KCNQ1OT1: variants seen among roughly 807,000 people sequenced by gnomAD.
KCNQ1OT1 encodes the protein KCNQ1 opposite strand/antisense transcript 1.
exon 1 of KCNQ1OT1, chr11:2,648,892 G>A: frequency 2.5e-6 from 1 of 396,098 alleles, no homozygotes; most frequent in Non-Finnish European, 4.4e-6. Context: ...CTCCAGTGTT[G>A]TTGGTTGCAT....
chr11:2,663,223 G>A lies in KCNQ1OT1; in HGVS notation n.36772C>T. On this transcript the variant is annotated non_coding_transcript_exon_variant, in exon 1 of 1. Transcript: ENST00000597346. The surrounding 1 kb of genome is among the most constrained non-coding windows in gnomAD (Gnocchi z 5.2). ...GGGTAGGGTGTGAAGAGGCTCCAAGGGAGCCAGCAGATCACTGGAAAGCAG... is the reference window on the plus strand; with the variant it reads ...GGGTAGGGTGTGAAGAGGCTCCAAGAGAGCCAGCAGATCACTGGAAAGCAG... 5.0e-6 allele frequency: 2 copies of A among 398,722 alleles called. No individual in the cohort carries two copies. Among genetic ancestry groups the A allele is most frequent in the Non-Finnish European group, 4.4e-6 (1 of 226,160 alleles). 24.7% of individuals were successfully genotyped at this position (398,722 alleles called of 1,614,324 possible).
At chr11:2,656,113 T>C (rs1175641157) in exon 1 of KCNQ1OT1, 1 of 398,556 alleles carries the variant, frequency 2.5e-6, no homozygotes, top group Non-Finnish European at 4.4e-6. Context: ...CAACTCTACG[T>C]TCTAGCCTGT....
chr11:2,647,522 G>C lies in KCNQ1OT1; in HGVS notation n.52473C>G. The stretch of plus-strand genomic sequence containing the variant: ...AGATACTGCTTGCCTCACAGAATGA[G>C]TTAGGGAGAATTCCTTTCTCTTCAG... On this transcript the variant is annotated non_coding_transcript_exon_variant, in exon 1 of 1. Coordinates refer to ENST00000597346, the Ensembl canonical transcript of KCNQ1OT1. The surrounding 1 kb of genome is among the most constrained non-coding windows in gnomAD (Gnocchi z 4.0). 1 of 398,572 alleles carries C rather than the reference G, an allele frequency of 2.5e-6. No individual in the cohort carries two copies. The highest frequency in any genetic ancestry group is 4.4e-6 in the Non-Finnish European group (1 of 226,060). The allele number at this position is 398,572 out of a possible 1,614,324, so 24.7% of individuals were successfully genotyped here. A position where few individuals can be genotyped will look rare whatever the true frequency, so the allele number is the denominator to read the frequency against.
exon 1 of KCNQ1OT1, chr11:2,615,674 T>G (rs1849049023): frequency 2.5e-6 from 1 of 397,976 alleles, no homozygotes; most frequent in African/African-American, 2.1e-5. Flanking sequence ...ATTAATGTGG[T>G]GTATTACATT....
Position 2,623,504 on chromosome 11 carries a change from T to C in KCNQ1OT1, n.76491A>G, listed in dbSNP as rs746126863. The C allele has an allele frequency of 1.0e-5, 4 of 398,500 alleles. No individual in the cohort carries two copies. The highest frequency in any genetic ancestry group is 1.8e-5 in the Non-Finnish European group (4 of 226,072). 24.7% of individuals were successfully genotyped at this position (398,500 alleles called of 1,614,324 possible). On this transcript the variant is annotated non_coding_transcript_exon_variant, in exon 1 of 1. Transcript: ENST00000597346. This position sits in a 1 kb window ranked among gnomAD's most constrained non-coding sequence, Gnocchi z 5.2. ...GCATTGCCTTTTCTAAAATGCAATA[T>C]GATTGGAATCATACAGTATGTAGTT...
chr11:2,612,411 T>G lies in KCNQ1OT1; in HGVS notation n.87584A>C. ...GGGACCACTATATTATGGTATCCAA[T>G]GGGTATCTCTTCATTTTTCTTCATT... On this transcript the variant is annotated non_coding_transcript_exon_variant, in exon 1 of 1. Coordinates refer to ENST00000597346, the Ensembl canonical transcript of KCNQ1OT1. This position sits in a 1 kb window ranked among gnomAD's most constrained non-coding sequence, Gnocchi z 5.5. The G allele has an allele frequency of 2.5e-6, 1 of 398,626 alleles. No homozygotes were observed. Among genetic ancestry groups the G allele is most frequent in the Non-Finnish European group, 4.4e-6 (1 of 226,066 alleles). The allele number at this position is 398,626 out of a possible 1,614,324, so 24.7% of individuals were successfully genotyped here.
chr11:2,686,390 CA>C, exon 1 of KCNQ1OT1: 1 of 398,702 alleles, frequency 2.5e-6, no homozygotes, highest in Admixed American at 4.4e-5. Context: ...CAGGGTACCC[CA>C]ACCCCTGACT....
rs1043518078 is a variant in KCNQ1OT1, at chr11:2,646,835, G to C, written n.53160C>G. The stretch of plus-strand genomic sequence containing the variant: ...CCACACCTACTAATTTTTGTTTGTT[G>C]ATTTTTTTATCCTGCAACTTTATTG... On this transcript the variant is annotated non_coding_transcript_exon_variant, in exon 1 of 1. Coordinates refer to ENST00000597346, the Ensembl canonical transcript of KCNQ1OT1. The C allele has an allele frequency of 1.8e-5, 7 of 398,478 alleles. No homozygotes were observed. The East Asian group carries it at 2.5e-4, about 14-fold the overall frequency. The allele number at this position is 398,478 out of a possible 1,614,324, so 24.7% of individuals were successfully genotyped here. A position where few individuals can be genotyped will look rare whatever the true frequency, so the allele number is the denominator to read the frequency against.
At chr11:2,680,831 T>C in exon 1 of KCNQ1OT1, 1 of 398,572 alleles carries the variant, frequency 2.5e-6, no homozygotes. Context: ...ATCACCTTTT[T>C]GGGATCGGCT....
chr11:2,640,454 T>C (rs915755052), exon 1 of KCNQ1OT1: 1 of 398,502 alleles, frequency 2.5e-6, no homozygotes, highest in Non-Finnish European at 4.4e-6. Flanking sequence ...CCTGGATAAC[T>C]TCTTAATTTT....
At position 2,654,901 on chromosome 11, in the gene KCNQ1OT1, A is replaced by C. The variant is rs1287061927; in HGVS notation, n.45094T>G. On this transcript the variant is annotated non_coding_transcript_exon_variant, in exon 1 of 1. Transcript: ENST00000597346. This position sits in a 1 kb window ranked among gnomAD's most constrained non-coding sequence, Gnocchi z 6.4. Reference sequence around the variant, plus strand: ...TGGCAACTCTAGGATAAGATGTGCAAGGTCGTGGGCCAGAGAGCAAGGCAC... The same window carrying C: ...TGGCAACTCTAGGATAAGATGTGCACGGTCGTGGGCCAGAGAGCAAGGCAC... 1 of 398,484 alleles carries C rather than the reference A, an allele frequency of 2.5e-6. No individual in the cohort carries two copies. The highest frequency in any genetic ancestry group is 4.4e-6 in the Non-Finnish European group (1 of 226,074). The allele number at this position is 398,484 out of a possible 1,614,324, so 24.7% of individuals were successfully genotyped here. A position where few individuals can be genotyped will look rare whatever the true frequency, so the allele number is the denominator to read the frequency against.
chr11:2,618,565 G>T, exon 1 of KCNQ1OT1: 1 of 398,538 alleles, frequency 2.5e-6, no homozygotes, highest in African/African-American at 2.1e-5. Flanking sequence ...CTACATGTTT[G>T]TTTTTTATGC....
exon 1 of KCNQ1OT1, chr11:2,650,807 T>C: frequency 2.5e-6 from 1 of 398,672 alleles, no homozygotes; most frequent in East Asian, 3.6e-5. Context: ...GCATGGGTCA[T>C]GTGGTTTTAT....
chr11:2,684,048 C>T, exon 1 of KCNQ1OT1: 2 of 398,262 alleles, frequency 5.0e-6, no homozygotes, highest in South Asian at 1.3e-4. Flanking sequence ...CCCCCTTTAT[C>T]AAGACATTGT....
chr11:2,618,203 G>A (rs1849101164), exon 1 of KCNQ1OT1: 2 of 398,352 alleles, frequency 5.0e-6, no homozygotes, highest in Non-Finnish European at 8.8e-6. Context: ...TATGTATGGT[G>A]TAAGGCAGCG....
exon 1 of KCNQ1OT1, chr11:2,660,742 G>C (rs978960815): frequency 1.3e-5 from 5 of 398,512 alleles, no homozygotes; most frequent in African/African-American, 1.0e-4. Flanking sequence ...TTCAGGCATG[G>C]ATGTGGGAAA....
chr11:2,696,532 G>T (rs1175092586), exon 1 of KCNQ1OT1: 2 of 398,510 alleles, frequency 5.0e-6, no homozygotes, highest in Non-Finnish European at 8.8e-6. Flanking sequence ...CAAAAGTTCA[G>T]TTGGCATTTA....
rs1407307591 is a variant in KCNQ1OT1, at chr11:2,695,756, A to C, written n.4239T>G. The C allele has an allele frequency of 2.5e-6, 1 of 398,546 alleles. No homozygotes were observed. Among genetic ancestry groups the C allele is most frequent in the Non-Finnish European group, 4.4e-6 (1 of 226,080 alleles). The allele number at this position is 398,546 out of a possible 1,614,324, so 24.7% of individuals were successfully genotyped here. On this transcript the variant is annotated non_coding_transcript_exon_variant, in exon 1 of 1. Coordinates refer to ENST00000597346, the Ensembl canonical transcript of KCNQ1OT1. This position sits in a 1 kb window ranked among gnomAD's most constrained non-coding sequence, Gnocchi z 5.2. ...GGAGGCTTGTTCCTTGCCTTCTGCC[A>C]ACACTTGGCCTTATCCTACTTTCTA...
At chr11:2,618,873 T>G (rs1849116423) in exon 1 of KCNQ1OT1, 1 of 398,210 alleles carries the variant, frequency 2.5e-6, no homozygotes, top group Non-Finnish European at 4.4e-6. Context: ...GATTCATAGT[T>G]TTCAGTGTAC....
Sources: allele counts gnomAD v4.1 joint callset, GRCh38; gene constraint gnomAD v4.1.1; non-coding constraint Gnocchi (gnomAD v3.1); transcripts MANE v1.5; gene names NCBI Gene and HGNC (gene_info 2026-07-23, HGNC 2026-07-21).